The following FAT1 variants were observed in gnomAD, a reference collection of about 807,000 sequenced individuals.
FAT1 encodes protocadherin Fat 1.
Under a neutral mutation model 329.8 loss-of-function variants are expected in FAT1, and 171 were observed. The observed-to-expected ratio is 0.52, with a 90% CI of 0.46 to 0.59. The LOEUF (loss-of-function observed/expected upper bound fraction) is 0.59. Ranked by LOEUF, FAT1 falls within the 20% of genes least tolerant of loss-of-function variation. The pLI, the probability that FAT1 is intolerant of heterozygous loss-of-function variation, is 0.00. For missense variants in FAT1, 5,672 were observed against 5,774.4 expected, an observed-to-expected ratio of 0.98 and a Z score of 0.57; for synonymous variants, 2,233 against 2,228.6, an observed-to-expected ratio of 1.00 and a Z score of -0.06.
intron 7 of FAT1, among the ~76,000 whole-genome samples, chr4:186,633,235 G>C (rs1157240241): frequency 6.6e-6 from 1 of 152,068 alleles, no homozygotes; most frequent in Non-Finnish European, 1.5e-5. Flanking sequence ...ACAAATAAAG[G>C]TGGTAAAGGA....
At chr4:186,721,957 G>C (rs1745487057) in intron 1 of FAT1, among the ~76,000 whole-genome samples, 1 of 151,998 alleles carries the variant, frequency 6.6e-6, no homozygotes, top group Admixed American at 6.6e-5. Flanking sequence ...TCCTGCCTCA[G>C]CCTCCCAAGT....
At chr4:186,704,563 C>CT (rs1426212225) in intron 2 of FAT1, among the ~76,000 whole-genome samples, 2 of 152,108 alleles carry the variant, frequency 1.3e-5, no homozygotes, top group Non-Finnish European at 2.9e-5. Context: ...TTTAACAGTT[C>CT]TTTATAGGCT....
rs541855125 is a variant in FAT1 at position 186,719,773 on chromosome 4, T to C, written c.-19+3891A>G. 1.4e-4 allele frequency among the ~76,000 whole-genome samples: 22 copies of C among 152,354 alleles called. No individual in the cohort carries two copies. The South Asian group carries it at 4.6e-3, about 32-fold the overall frequency. ...TCTCAAAAGTTATCCAAACTTGACA[T>C]TTCTTTCTCAATTTCTCAAAATGGT... On this transcript the variant is annotated intron_variant, in intron 1 of 26. Transcript: ENST00000441802.
intron 26 of FAT1, among the ~76,000 whole-genome samples, chr4:186,593,003 C>A (rs1738317537): frequency 6.6e-6 from 1 of 151,964 alleles, no homozygotes; most frequent in South Asian, 2.1e-4. Context: ...GGAATTTAAA[C>A]AAAAAAACTT....
intron 2 of FAT1, among the ~76,000 whole-genome samples, chr4:186,681,168 T>C (rs1743189584): frequency 6.6e-6 from 1 of 152,214 alleles, no homozygotes; most frequent in African/African-American, 2.4e-5. Flanking sequence ...CCTTACAGCA[T>C]GCCTGTTAAC....
At chr4:186,675,199 G>T (rs954240231) in intron 2 of FAT1, among the ~76,000 whole-genome samples, 3 of 152,142 alleles carry the variant, frequency 2.0e-5, no homozygotes, top group African/African-American at 7.2e-5. Flanking sequence ...AGAGTGGTGG[G>T]TGGCAGATGT....
intron 21 of FAT1, 50 bp downstream of exon 21, chr4:186,601,219 T>G: frequency 6.8e-7 from 1 of 1,465,646 alleles, no homozygotes; most frequent in Admixed American, 1.9e-5. Flanking sequence ...AAAATGAAAT[T>G]TATGGTTTGA....
chr4:186,655,825 G>A (rs901881882), intron 3 of FAT1, among the ~76,000 whole-genome samples: 1 of 152,184 alleles, frequency 6.6e-6, no homozygotes, highest in Non-Finnish European at 1.5e-5. Flanking sequence ...ATAAAAAGAT[G>A]AGGAAAAAAC....
intron 2 of FAT1, among the ~76,000 whole-genome samples, chr4:186,681,656 C>T (rs746437168): frequency 6.6e-6 from 1 of 152,144 alleles, no homozygotes; most frequent in African/African-American, 2.4e-5. Flanking sequence ...TGAGACACAT[C>T]GATGAGTTAT....
At chr4:186,684,969 G>C (rs1306873846) in intron 2 of FAT1, among the ~76,000 whole-genome samples, 1 of 152,130 alleles carries the variant, frequency 6.6e-6, no homozygotes, top group African/African-American at 2.4e-5. Context: ...ATTTGTGCAT[G>C]AAACATTATC....
chr4:186,643,501 C>G (rs1741196868), intron 3 of FAT1, among the ~76,000 whole-genome samples: 1 of 152,108 alleles, frequency 6.6e-6, no homozygotes. Context: ...GGGGGTGGCA[C>G]CAGGTGATGC....
rs1251526531 is a variant in FAT1 at position 186,708,221 on chromosome 4, A to G, written c.1607T>C (p.Leu536Pro). The stretch of plus-strand genomic sequence containing the variant: ...GCCCCAGTCTGATGCACGAATCCTC[A>G]GAGTATAAACCCGAGGCATCAGTTC... ...DYELMPRVYT[L>P]RIRASDWGLP... The change falls in exon 2 of 27, where the codon CTG (leucine) becomes CCG (proline). Residue 536 changes from leucine to proline, a missense_variant. Coordinates refer to ENST00000441802, the MANE Select transcript of FAT1 (RefSeq NM_005245.4). The G allele has an allele frequency of 6.2e-7, 1 of 1,613,894 alleles. No homozygotes were observed. The highest frequency in any genetic ancestry group is 1.3e-5 in the African/African-American group (1 of 74,928).
At chr4:186,602,370 C>T (rs781379436) in intron 20 of FAT1, among the ~76,000 whole-genome samples, 12 of 152,060 alleles carry the variant, frequency 7.9e-5, no homozygotes, top group South Asian at 2.1e-4. Context: ...TAGAAATGAA[C>T]GCATCAGTAT....
chr4:186,682,526 C>CAAAAAAAAAAAAAAAAAAAAAAAAAAAA lies in FAT1; in HGVS notation c.3266-18914_3266-18913insTTTTTTTTTTTTTTTTTTTTTTTTTTTT, dbSNP rs10561120. Among the ~76,000 whole-genome samples the CAAAAAAAAAAAAAAAAAAAAAAAAAAAA allele has an allele frequency of 8.4e-5, 10 of 119,730 alleles. 1 individual carries two copies. Among genetic ancestry groups the CAAAAAAAAAAAAAAAAAAAAAAAAAAAA allele is most frequent in the African/African-American group, 3.9e-4 (10 of 25,390 alleles). The allele number at this position is 119,730 out of a possible 152,430, so 78.5% of individuals were successfully genotyped here. ...TGAGTGAAAGAGCGAGACTCTGTCT[C>CAAAAAAAAAAAAAAAAAAAAAAAAAAAA]AAAAAAAAAAAAAAAAAAGAAAGTT... On this transcript the variant is annotated intron_variant, in intron 2 of 26. Transcript: ENST00000441802.
At chr4:186,645,362 A>G (rs1309655059) in intron 3 of FAT1, among the ~76,000 whole-genome samples, 2 of 89,064 alleles carry the variant, frequency 2.2e-5, no homozygotes, top group Non-Finnish European at 4.2e-5. Flanking sequence ...TAGATACTTC[A>G]TTACATATAT....
intron 2 of FAT1, among the ~76,000 whole-genome samples, chr4:186,694,541 A>T (rs1164372065): frequency 1.3e-5 from 2 of 152,258 alleles, no homozygotes; most frequent in Non-Finnish European, 2.9e-5. Context: ...TAGTTTACAT[A>T]CATATTATTT....
intron 1 of FAT1, among the ~76,000 whole-genome samples, chr4:186,712,674 G>A (rs777199384): frequency 2.6e-5 from 4 of 152,164 alleles, no homozygotes; most frequent in Non-Finnish European, 5.9e-5. Context: ...TAAATCCAAA[G>A]GGTCAGGGCT....
chr4:186,667,106 G>T (rs566386593), intron 2 of FAT1, among the ~76,000 whole-genome samples: 1 of 152,308 alleles, frequency 6.6e-6, no homozygotes, highest in African/African-American at 2.4e-5. Context: ...AGGGAAAAAA[G>T]AATTATGAAA....
At chr4:186,632,706 C>T (rs1007968738) in intron 7 of FAT1, among the ~76,000 whole-genome samples, 2 of 152,112 alleles carry the variant, frequency 1.3e-5, no homozygotes, top group African/African-American at 2.4e-5. Flanking sequence ...ATTTATTAAT[C>T]GAAAAGACAT....
Sources: gnomAD v4.1 joint callset for allele counts (sites outside exome capture counted in the v4.1 genomes callset) on GRCh38, gnomAD v4.1.1 for gene constraint, MANE v1.5 for transcripts, NCBI Gene and HGNC (gene_info 2026-07-23, HGNC 2026-07-21) for gene names.